PPP2R2B: variants seen among roughly 807,000 people sequenced by gnomAD.
The protein encoded by PPP2R2B is protein phosphatase 2 regulatory subunit Bbeta, also known as serine/threonine-protein phosphatase 2A 55 kDa regulatory subunit B beta isoform.
In PPP2R2B, 5 loss-of-function variants were observed where a neutral mutation model predicts 46.0. That is an observed-to-expected ratio of 0.11 (90% CI 0.06 to 0.23). The LOEUF is 0.23. Ranked by LOEUF, PPP2R2B falls within the 10% of genes least tolerant of loss-of-function variation. PPP2R2B has a pLI of 1.00. For synonymous variants in PPP2R2B, 215 were observed against 206.7 expected, an observed-to-expected ratio of 1.04 and a Z score of -0.34; for missense variants, 367 against 575.0, an observed-to-expected ratio of 0.64 and a Z score of 3.70.
chr5:146,600,471 A>C lies in PPP2R2B; in HGVS notation c.791-11T>G. The C allele has an allele frequency of 6.2e-7, 1 of 1,613,278 alleles. No homozygotes were observed. The highest frequency in any genetic ancestry group is 1.3e-5 in the African/African-American group (1 of 75,018). On this transcript the variant is annotated splice_polypyrimidine_tract_variant and intron_variant, in intron 7 of 9. Coordinates refer to ENST00000394411, the MANE Select transcript of PPP2R2B (RefSeq NM_181675.4). Reference sequence around the variant, plus strand: ...CCGGCTCTTCAAAAACTGCAGAACAAAAGCAAAACAAGACAAATTTAGCAA... The same window carrying C: ...CCGGCTCTTCAAAAACTGCAGAACACAAGCAAAACAAGACAAATTTAGCAA...
chr5:146,744,863 C>T (rs189328994), intron 2 of PPP2R2B, among the ~76,000 whole-genome samples: 2 of 152,246 alleles, frequency 1.3e-5, no homozygotes, highest in Middle Eastern at 3.4e-3. Flanking sequence ...TTCACAGCCA[C>T]CCAGAACTTT....
intron 1 of PPP2R2B, among the ~76,000 whole-genome samples, chr5:146,895,985 T>C (rs1762633212): frequency 6.6e-6 from 1 of 152,106 alleles, no homozygotes; most frequent in South Asian, 2.1e-4. Context: ...AAAGGGGTCA[T>C]TACTGTTTGA....
chr5:146,744,865 C>A (rs751929732), intron 2 of PPP2R2B, among the ~76,000 whole-genome samples: 11 of 152,232 alleles, frequency 7.2e-5, no homozygotes, highest in Admixed American at 1.3e-4. Flanking sequence ...CACAGCCACC[C>A]AGAACTTTCA....
chr5:147,047,219 A>C (rs1426759172), intron 1 of PPP2R2B, among the ~76,000 whole-genome samples: 1 of 152,122 alleles, frequency 6.6e-6, no homozygotes, highest in Non-Finnish European at 1.5e-5. Context: ...AGGAGGGATA[A>C]GTTCCAGTGT....
chr5:146,859,647 G>C lies in PPP2R2B; in HGVS notation c.70+18355C>G, dbSNP rs191144733. Among the ~76,000 whole-genome samples the C allele has an allele frequency of 2.1e-3, 319 of 152,274 alleles. 4 individuals carry two copies. The highest frequency in any genetic ancestry group is 7.6e-4 in the Non-Finnish European group (52 of 68,024). ...AAGAGGGAGTCAAGAGCCAGTAAGC[G>C]TGGCAAACCCCCCAGATAAGTTCAT... On this transcript the variant is annotated intron_variant, in intron 2 of 9. Transcript: ENST00000394411.
At chr5:146,622,409 G>A (rs1561780510) in intron 7 of PPP2R2B, among the ~76,000 whole-genome samples, 1 of 152,170 alleles carries the variant, frequency 6.6e-6, no homozygotes, top group Non-Finnish European at 1.5e-5. Context: ...AATCCAAGGA[G>A]TTAAGTCCAA....
At chr5:147,079,445 C>CATATATATATATATATATATACAT (rs1757904138) in intron 2 of PPP2R2B, among the ~76,000 whole-genome samples, 4 of 132,300 alleles carry the variant, frequency 3.0e-5, no homozygotes, top group African/African-American at 1.1e-4. Context: ...TATATATATA[C>CATATATATATATATATATATACAT]ATATATATAT....
intron 6 of PPP2R2B, among the ~76,000 whole-genome samples, chr5:146,642,222 G>T (rs1369073837): frequency 6.6e-6 from 1 of 152,174 alleles, no homozygotes; most frequent in Non-Finnish European, 1.5e-5. Context: ...CCAGGCAGTG[G>T]CCTAAGGCAT....
chr5:146,711,816 G>T (rs73320051), intron 2 of PPP2R2B, among the ~76,000 whole-genome samples: 6,233 of 152,214 alleles, frequency 0.041, 428 homozygotes, highest in African/African-American at 0.14. Flanking sequence ...TGGGATACAA[G>T]TACAATGTTG....
At chr5:146,674,670 C>T (rs1366418900) in intron 5 of PPP2R2B, among the ~76,000 whole-genome samples, 1 of 152,156 alleles carries the variant, frequency 6.6e-6, no homozygotes, top group African/African-American at 2.4e-5. Flanking sequence ...ATGTCTCCTC[C>T]ATCATTGGCA....
intron 6 of PPP2R2B, among the ~76,000 whole-genome samples, chr5:146,643,768 G>A (rs186440299): frequency 6.6e-6 from 1 of 152,124 alleles, no homozygotes. Context: ...AAAGAAAAAG[G>A]CATATGGTAT....
upstream of PPP2R2B, among the ~76,000 whole-genome samples, chr5:146,881,569 A>G (rs1762169294): frequency 6.6e-6 from 1 of 151,882 alleles, no homozygotes; most frequent in Non-Finnish European, 1.5e-5. Flanking sequence ...GGACCACCAC[A>G]CCCAGCTAAT....
At chr5:147,021,424 C>A (rs1340997217) in intron 1 of PPP2R2B, among the ~76,000 whole-genome samples, 1 of 152,124 alleles carries the variant, frequency 6.6e-6, no homozygotes, top group Non-Finnish European at 1.5e-5. Context: ...CCTATTGAGT[C>A]TTTGGTTGAA....
At chr5:147,024,189 A>ATCTG (rs1455203110) in intron 1 of PPP2R2B, among the ~76,000 whole-genome samples, 2 of 151,784 alleles carry the variant, frequency 1.3e-5, no homozygotes, top group Admixed American at 1.3e-4. Flanking sequence ...CTATCTATCT[A>ATCTG]TCTATCTATC....
intron 1 of PPP2R2B, among the ~76,000 whole-genome samples, chr5:146,950,955 A>G (rs1227105010): frequency 1.3e-5 from 2 of 152,186 alleles, no homozygotes; most frequent in East Asian, 3.9e-4. Context: ...AAATACAGTC[A>G]TCTTTAAATC....
chr5:147,048,535 T>G (rs1156458362), intron 1 of PPP2R2B, among the ~76,000 whole-genome samples: 1 of 152,210 alleles, frequency 6.6e-6, no homozygotes, highest in African/African-American at 2.4e-5. Flanking sequence ...CTATCCTTAG[T>G]TATTGCTGTG....
At chr5:146,773,085 C>T (rs1754972791) in intron 2 of PPP2R2B, among the ~76,000 whole-genome samples, 1 of 152,064 alleles carries the variant, frequency 6.6e-6, no homozygotes, top group Admixed American at 6.6e-5. Flanking sequence ...CTAAAAGACC[C>T]CTGTAATAGT....
intron 2 of PPP2R2B, among the ~76,000 whole-genome samples, chr5:146,794,964 A>AT (rs1035467986): frequency 2.6e-5 from 4 of 151,504 alleles, no homozygotes; most frequent in African/African-American, 7.3e-5. Flanking sequence ...CCTGCCCCCT[A>AT]TTTTTTTTGT....
At chr5:146,926,403 T>C (rs1763783608) in intron 1 of PPP2R2B, among the ~76,000 whole-genome samples, 2 of 152,108 alleles carry the variant, frequency 1.3e-5, no homozygotes, top group South Asian at 4.1e-4. Flanking sequence ...TTTACTTTTT[T>C]TTTGTTTTCG....
Sources: gnomAD v4.1 joint callset for allele counts (sites outside exome capture counted in the v4.1 genomes callset) on GRCh38, gnomAD v4.1.1 for gene constraint, MANE v1.5 for transcripts, NCBI Gene and HGNC (gene_info 2026-07-23, HGNC 2026-07-21) for gene names.